Variants in JAK2 observed in about 807,000 individuals in gnomAD.
JAK2 encodes the protein Janus kinase 2.
A neutral mutation model predicts 139.3 loss-of-function variants in JAK2; 86 were observed. The ratio of observed to expected loss-of-function variants is 0.62; its 90% confidence interval spans 0.52 to 0.74. The LOEUF (loss-of-function observed/expected upper bound fraction) is 0.74. Among genes scored for constraint, JAK2 ranks in the 30% least tolerant of loss-of-function variants. The pLI is 0.00. For missense variants in JAK2, 1,421 were observed against 1,360.3 expected, an observed-to-expected ratio of 1.04 and a Z score of -0.70; for synonymous variants, 490 against 437.7, an observed-to-expected ratio of 1.12 and a Z score of -1.49.
Position 5,128,566 on chromosome 9 carries a change from A to ATTGCT in JAK2, c.*1778_*1782dup, listed in dbSNP as rs1824152021. On this transcript the variant is annotated 3_prime_UTR_variant, in exon 25 of 25. Coordinates refer to ENST00000381652, the MANE Select transcript of JAK2 (RefSeq NM_004972.4). Reference sequence around the variant, plus strand: ...TAGGTTCTTATCAAGGGTCTCTAACATTGCTTTTTAAAACAAGATGTGAAC... The same window carrying ATTGCT: ...TAGGTTCTTATCAAGGGTCTCTAACATTGCTTTGCTTTTTAAAACAAGATGTGAAC... Among the ~76,000 whole-genome samples the ATTGCT allele has an allele frequency of 6.6e-6, 1 of 151,920 alleles. No individual in the cohort carries two copies.
At chr9:5,068,104 G>A (rs1338859061) in intron 10 of JAK2, among the ~76,000 whole-genome samples, 1 of 151,092 alleles carries the variant, frequency 6.6e-6, no homozygotes. Flanking sequence ...AGGTTGCAGT[G>A]AGTCAAGATT....
At chr9:5,108,434 A>G (rs1822154014) in intron 22 of JAK2, 1 of 152,088 alleles carries the variant, frequency 6.6e-6, no homozygotes, top group Admixed American at 6.5e-5. Flanking sequence ...TAAATACTTC[A>G]GATTCTCTAA....
intron 3 of JAK2, among the ~76,000 whole-genome samples, chr9:5,023,837 T>C (rs1038021855): frequency 1.3e-5 from 2 of 151,484 alleles, no homozygotes; most frequent in African/African-American, 2.4e-5. Context: ...TTTTTTGTTG[T>C]GTGTAGTCTC....
intron 22 of JAK2, chr9:5,112,479 C>T: frequency 1.8e-6 from 1 of 552,358 alleles, no homozygotes; most frequent in Non-Finnish European, 3.3e-6. Flanking sequence ...ACCGGACCAG[C>T]CCAGACAAGG....
At chr9:4,994,280 T>A (rs1157190702) in intron 2 of JAK2, among the ~76,000 whole-genome samples, 1 of 152,224 alleles carries the variant, frequency 6.6e-6, no homozygotes, top group East Asian at 1.9e-4. Flanking sequence ...AGTCACAGTT[T>A]CCAAGAACCT....
In JAK2 at chr9:5,122,129, G is replaced by A. The variant is rs12350156; in HGVS notation, c.3060-875G>A. On this transcript the variant is annotated intron_variant, in intron 22 of 24. Coordinates refer to ENST00000381652, the MANE Select transcript of JAK2 (RefSeq NM_004972.4). ...GGCAGGGAAGGATTTGTGGAGATTA[G>A]GAAACTTAAATGGGATTTTGAAGGA... Among the ~76,000 whole-genome samples the A allele has an allele frequency of 2.0e-3, 298 of 152,188 alleles. 1 individual carries two copies. Among genetic ancestry groups the A allele is most frequent in the African/African-American group, 6.8e-3 (282 of 41,538 alleles).
intron 5 of JAK2, among the ~76,000 whole-genome samples, chr9:5,049,591 T>G (rs1817271369): frequency 6.6e-6 from 1 of 152,238 alleles, no homozygotes; most frequent in South Asian, 2.1e-4. Context: ...GTGCTTCCTA[T>G]ATCATGTCTG....
chr9:5,032,281 T>G (rs1016152293), intron 4 of JAK2, among the ~76,000 whole-genome samples: 2 of 152,132 alleles, frequency 1.3e-5, no homozygotes, highest in South Asian at 4.1e-4. Context: ...CCACCACAGC[T>G]CAAGGAGGCC....
At chr9:5,041,257 C>G in intron 4 of JAK2, 1 of 1,416,062 alleles carries the variant, frequency 7.1e-7, no homozygotes, top group Non-Finnish European at 9.8e-7. Context: ...CCATCCACAT[C>G]ATCGACCTCG....
intron 3 of JAK2, among the ~76,000 whole-genome samples, chr9:5,024,242 C>T (rs554146207): frequency 2.0e-5 from 3 of 151,854 alleles, no homozygotes; most frequent in East Asian, 1.9e-4. Flanking sequence ...GGCGACAGAG[C>T]GAGACTCCAT....
At chr9:5,006,132 A>T (rs1821285691) in intron 2 of JAK2, among the ~76,000 whole-genome samples, 1 of 152,048 alleles carries the variant, frequency 6.6e-6, no homozygotes, top group African/African-American at 2.4e-5. Context: ...ATGAGCATGG[A>T]ATGTTCTTCC....
At chr9:5,109,055 C>T (rs1822217938) in intron 22 of JAK2, 1 of 152,086 alleles carries the variant, frequency 6.6e-6, no homozygotes, top group Non-Finnish European at 1.5e-5. Flanking sequence ...TAAGGGAACT[C>T]TCTGTGATCA....
intron 19 of JAK2, chr9:5,085,125 A>T: frequency 1.5e-6 from 1 of 650,096 alleles, no homozygotes; most frequent in East Asian, 3.6e-5. Context: ...TTTGTTTTAC[A>T]CCATCACTCT....
chr9:5,113,008 C>T (rs565731218), intron 22 of JAK2, among the ~76,000 whole-genome samples: 276 of 152,144 alleles, frequency 1.8e-3, no homozygotes, highest in Non-Finnish European at 2.8e-3. Context: ...GTGATGGGGG[C>T]AAGGAAGGTG....
At chr9:5,100,686 C>CTGAT (rs1339831706) in intron 22 of JAK2, 1 of 152,176 alleles carries the variant, frequency 6.6e-6, no homozygotes, top group African/African-American at 2.4e-5. Flanking sequence ...TCATCACAGC[C>CTGAT]TGATAGAAGG....
Position 5,054,547 on chromosome 9 carries a change from G to T in JAK2, c.615-16G>T. Reference sequence around the variant, plus strand: ...TGTTTTGTTTTGTTTTTCTGTATGTGCTTTTTTATCCCTAGCTACAAGACA... The same window carrying T: ...TGTTTTGTTTTGTTTTTCTGTATGTTCTTTTTTATCCCTAGCTACAAGACA... On this transcript the variant is annotated splice_polypyrimidine_tract_variant and intron_variant, in intron 6 of 24. Transcript: ENST00000381652. The surrounding 1 kb of genome is among the most constrained non-coding windows in gnomAD (Gnocchi z 4.9). 1 of 1,536,442 alleles carries T rather than the reference G, an allele frequency of 6.5e-7. No homozygotes were observed.
chr9:5,042,433 G>A (rs1047374940), intron 4 of JAK2, among the ~76,000 whole-genome samples: 9 of 152,142 alleles, frequency 5.9e-5, no homozygotes, highest in Admixed American at 4.6e-4. Flanking sequence ...CACCGCGCCC[G>A]GCCAAGACTG....
intron 4 of JAK2, chr9:5,041,823 C>T: frequency 2.1e-6 from 1 of 482,390 alleles, no homozygotes; most frequent in Non-Finnish European, 4.1e-6. Context: ...AAACCAGGCG[C>T]TGAACTCCAC....
rs1255260906 is a variant in JAK2, at chr9:5,069,269, G to A, written c.1513+61G>A. 2.4e-5 allele frequency: 26 copies of A among 1,066,140 alleles called. No homozygotes were observed. The South Asian group carries it at 2.8e-4, about 11-fold the overall frequency. 66.0% of individuals were successfully genotyped at this position (1,066,140 alleles called of 1,614,324 possible). On this transcript the variant is annotated intron_variant, in intron 11 of 24. Coordinates refer to ENST00000381652, the MANE Select transcript of JAK2 (RefSeq NM_004972.4). ...TCATGGATTGTTTATGTGGCGTGAA[G>A]TATCTTCAGTACATTGATTTCAAAG...
Sources: allele counts gnomAD v4.1 joint callset (sites outside exome capture counted in the v4.1 genomes callset), GRCh38; gene constraint gnomAD v4.1.1; non-coding constraint Gnocchi (gnomAD v3.1); transcripts MANE v1.5; gene names NCBI Gene and HGNC (gene_info 2026-07-23, HGNC 2026-07-21).